HNRNPA0: variants seen among roughly 807,000 people sequenced by gnomAD.
HNRNPA0 encodes the protein hnRNA binding protein.
For synonymous variants in HNRNPA0, 243 were observed against 195.5 expected (o/e 1.24, Z -2.03); for missense variants, 252 against 433.7 (o/e 0.58, Z 3.72).
chr5:137,745,943 T>C lies in HNRNPA0; in HGVS notation c.*7206A>G, dbSNP rs959447812. 6.6e-6 allele frequency: 1 copy of C among 152,218 alleles called. No individual in the cohort carries two copies. The highest frequency in any genetic ancestry group is 1.5e-5 in the Non-Finnish European group (1 of 68,040). The allele number at this position is 152,218 out of a possible 1,614,324, so 9.4% of individuals were successfully genotyped here. On this transcript the variant is annotated 3_prime_UTR_variant, in exon 1 of 1. Transcript: ENST00000314940. ...AAGCAGGTGTTTAGCATAAATCATC[T>C]TGTTTGAACAGTCTAGGTACAGTGA... is the stretch of plus-strand genomic sequence containing the variant.
chr5:137,747,207 G>A lies in HNRNPA0; in HGVS notation c.*5942C>T, dbSNP rs924661359. The A allele has an allele frequency of 6.6e-6, 1 of 152,174 alleles. No individual in the cohort carries two copies. The highest frequency in any genetic ancestry group is 2.4e-5 in the African/African-American group (1 of 41,452). 9.4% of individuals were successfully genotyped at this position (152,174 alleles called of 1,614,324 possible). On this transcript the variant is annotated 3_prime_UTR_variant, in exon 1 of 1. Transcript: ENST00000314940. Reference sequence around the variant, plus strand: ...GCTAAGTATATGAGAAAGAGAAGGAGCAAATATTTCAGCCTCACTTTTCTA... The same window carrying A: ...GCTAAGTATATGAGAAAGAGAAGGAACAAATATTTCAGCCTCACTTTTCTA...
Position 137,745,852 on chromosome 5 carries a change from T to C in HNRNPA0, c.*7297A>G, listed in dbSNP as rs550237698. ...AGGGACTCAGTATGCAAGGTTTTCA[T>C]TGGGAGTTTGGTCATATAGACATCC... On this transcript the variant is annotated 3_prime_UTR_variant, in exon 1 of 1. Coordinates refer to ENST00000314940, the MANE Select transcript of HNRNPA0 (RefSeq NM_006805.4). The C allele has an allele frequency of 5.3e-5, 8 of 152,334 alleles. No individual in the cohort carries two copies. Among genetic ancestry groups the C allele is most frequent in the East Asian group, 3.9e-4 (2 of 5,190 alleles). 9.4% of individuals were successfully genotyped at this position (152,334 alleles called of 1,614,324 possible).
chr5:137,753,376 A>AGCCGCC lies in HNRNPA0; in HGVS notation c.685_690dup (p.Gly229_Gly230dup). 10 of 1,544,766 alleles carry AGCCGCC rather than the reference A, an allele frequency of 6.5e-6. No homozygotes were observed. Among genetic ancestry groups the AGCCGCC allele is most frequent in the East Asian group, 2.5e-5 (1 of 40,782 alleles). On this transcript the variant is annotated inframe_insertion, in exon 1 of 1. Coordinates refer to ENST00000314940, the MANE Select transcript of HNRNPA0 (RefSeq NM_006805.4). The surrounding 1 kb of genome is among the most constrained non-coding windows in gnomAD (Gnocchi z 6.1). ...CCGCCGCCGCCTCCGTAGGCATTGTAGCCGCCGCCTCCGCCGCCGCCGTAA... is the reference window on the plus strand; with the variant it reads ...CCGCCGCCGCCTCCGTAGGCATTGTAGCCGCCGCCGCCGCCTCCGCCGCCGCCGTAA...
At position 137,749,896 on chromosome 5, in the gene HNRNPA0, T is replaced by C. The variant is rs1348359183; in HGVS notation, c.*3253A>G. 1 of 152,200 alleles carries C rather than the reference T, an allele frequency of 6.6e-6. No individual in the cohort carries two copies. Among genetic ancestry groups the C allele is most frequent in the Non-Finnish European group, 1.5e-5 (1 of 68,008 alleles). The allele number at this position is 152,200 out of a possible 1,614,324, so 9.4% of individuals were successfully genotyped here. On this transcript the variant is annotated 3_prime_UTR_variant, in exon 1 of 1. Coordinates refer to ENST00000314940, the MANE Select transcript of HNRNPA0 (RefSeq NM_006805.4). ...TTGAAGGAAATCATAAATGCAAATT[T>C]CTCAAGTATCCTCAATCTTTTAGGT...
Position 137,750,083 on chromosome 5 carries a change from A to T in HNRNPA0, c.*3066T>A, listed in dbSNP as rs1008634528. On this transcript the variant is annotated 3_prime_UTR_variant, in exon 1 of 1. Coordinates refer to ENST00000314940, the MANE Select transcript of HNRNPA0 (RefSeq NM_006805.4). ...TTTTTTTTGGATACAGTAAATCAGT[A>T]CCAATGAGAGCTTTTTAAATGACCT... 5.3e-5 allele frequency: 8 copies of T among 152,182 alleles called. No individual in the cohort carries two copies. Among genetic ancestry groups the T allele is most frequent in the African/African-American group, 1.7e-4 (7 of 41,436 alleles). The allele number at this position is 152,182 out of a possible 1,614,324, so 9.4% of individuals were successfully genotyped here.
Position 137,754,010 on chromosome 5 carries a change from A to G in HNRNPA0, c.57T>C (p.Ser19=). ...LFIGGLNVQT[S]ESGLRGHFEA... ...CAAAGTGGCCGCGCAGGCCCGACTC[A>G]CTCGTCTGCACATTGAGGCCGCCGA... The change falls in exon 1 of 1, where the codon AGT becomes AGC. Residue 19 remains serine, a synonymous_variant. Transcript: ENST00000314940. The G allele has an allele frequency of 1.2e-6, 2 of 1,613,770 alleles. No individual in the cohort carries two copies. Among genetic ancestry groups the G allele is most frequent in the Non-Finnish European group, 1.7e-6 (2 of 1,179,956 alleles).
Position 137,751,179 on chromosome 5 carries a change from C to T in HNRNPA0, c.*1970G>A, listed in dbSNP as rs145705408. 8 of 152,044 alleles carry T rather than the reference C, an allele frequency of 5.3e-5. No individual in the cohort carries two copies. The East Asian group carries it at 5.8e-4, about 11-fold the overall frequency. 9.4% of individuals were successfully genotyped at this position (152,044 alleles called of 1,614,324 possible). A position where few individuals can be genotyped will look rare whatever the true frequency, so the allele number is the denominator to read the frequency against. On this transcript the variant is annotated 3_prime_UTR_variant, in exon 1 of 1. Coordinates refer to ENST00000314940, the MANE Select transcript of HNRNPA0 (RefSeq NM_006805.4). ...CCTCAATGTGTAAAAACATCCACCC[C>T]GTTTGTCATAGAGGATATAACACTA... is the stretch of plus-strand genomic sequence containing the variant.
rs1753561310 is a variant in HNRNPA0, at chr5:137,754,221, G to GGGAA, written c.-159_-156dup. ...CGGGGAAGGGAAAAAGGGAAGGGGA[G>GGGAA]GGAAGGAAGGAAGAGAGGAAGGGGG... On this transcript the variant is annotated 5_prime_UTR_variant, in exon 1 of 1. Coordinates refer to ENST00000314940, the MANE Select transcript of HNRNPA0 (RefSeq NM_006805.4). 5.9e-6 allele frequency: 6 copies of GGGAA among 1,025,384 alleles called. No individual in the cohort carries two copies. The East Asian group carries it at 1.1e-4, about 18-fold the overall frequency. 63.5% of individuals were successfully genotyped at this position (1,025,384 alleles called of 1,614,324 possible). A position where few individuals can be genotyped will look rare whatever the true frequency, so the allele number is the denominator to read the frequency against.
In HNRNPA0 at chr5:137,753,022, G is replaced by A. The variant is rs1462053094; in HGVS notation, c.*127C>T. ...CCCCCAAGGGTAAGCAGCCTTAGAA[G>A]TGGCTCCCCCAAGGGCAAAACAGGG... On this transcript the variant is annotated 3_prime_UTR_variant, in exon 1 of 1. Transcript: ENST00000314940. The surrounding 1 kb of genome is among the most constrained non-coding windows in gnomAD (Gnocchi z 6.1). 2.0e-6 allele frequency: 2 copies of A among 986,494 alleles called. No homozygotes were observed. The highest frequency in any genetic ancestry group is 1.6e-5 in the African/African-American group (1 of 61,482). 61.1% of individuals were successfully genotyped at this position (986,494 alleles called of 1,614,324 possible). A position where few individuals can be genotyped will look rare whatever the true frequency, so the allele number is the denominator to read the frequency against.
rs1196251792 is a variant in HNRNPA0, at chr5:137,750,303, T to G, written c.*2846A>C. 2 of 152,158 alleles carry G rather than the reference T, an allele frequency of 1.3e-5. No homozygotes were observed. The highest frequency in any genetic ancestry group is 6.5e-5 in the Admixed American group (1 of 15,282). 9.4% of individuals were successfully genotyped at this position (152,158 alleles called of 1,614,324 possible). ...GAAAAAAATCTAAAACTCAAAACAC[T>G]TCTGGGCCCAAGAATTTCAGATAAG... is the stretch of plus-strand genomic sequence containing the variant. On this transcript the variant is annotated 3_prime_UTR_variant, in exon 1 of 1. Coordinates refer to ENST00000314940, the MANE Select transcript of HNRNPA0 (RefSeq NM_006805.4).
chr5:137,754,260 G>A lies in HNRNPA0; in HGVS notation c.-194C>T, dbSNP rs928853722. ...AGAGGAAGGGGGAGGGAAGGGGAGCGGTGCCGGCTAAAGGGCGAGCCGAGG... is the reference window on the plus strand; with the variant it reads ...AGAGGAAGGGGGAGGGAAGGGGAGCAGTGCCGGCTAAAGGGCGAGCCGAGG... On this transcript the variant is annotated 5_prime_UTR_variant, in exon 1 of 1. Transcript: ENST00000314940. 7 of 774,844 alleles carry A rather than the reference G, an allele frequency of 9.0e-6. No homozygotes were observed. Among genetic ancestry groups the A allele is most frequent in the South Asian group, 4.1e-5 (2 of 48,646 alleles). The allele number at this position is 774,844 out of a possible 1,614,324, so 48.0% of individuals were successfully genotyped here. A position where few individuals can be genotyped will look rare whatever the true frequency, so the allele number is the denominator to read the frequency against.
rs1045451771 is a variant in HNRNPA0 at position 137,748,260 on chromosome 5, C to T, written c.*4889G>A. 6.6e-6 allele frequency: 1 copy of T among 152,146 alleles called. No homozygotes were observed. The highest frequency in any genetic ancestry group is 1.5e-5 in the Non-Finnish European group (1 of 68,018). 9.4% of individuals were successfully genotyped at this position (152,146 alleles called of 1,614,324 possible). A position where few individuals can be genotyped will look rare whatever the true frequency, so the allele number is the denominator to read the frequency against. ...ATGCCTCTCTTGATCCTTCTTCCTA[C>T]CTGAAGTCACCTCTCCTCAACACTC... On this transcript the variant is annotated 3_prime_UTR_variant, in exon 1 of 1. Transcript: ENST00000314940.
rs952851084 is a variant in HNRNPA0, at chr5:137,752,051, A to G, written c.*1098T>C. 6.6e-6 allele frequency: 1 copy of G among 152,488 alleles called. No homozygotes were observed. Among genetic ancestry groups the G allele is most frequent in the East Asian group, 1.9e-4 (1 of 5,186 alleles). The allele number at this position is 152,488 out of a possible 1,614,324, so 9.4% of individuals were successfully genotyped here. ...TTCGCAGCTACTCTGCCATTCTGCCAGTAGATGGTGCTACAAAGATCGGGA... is the reference window on the plus strand; with the variant it reads ...TTCGCAGCTACTCTGCCATTCTGCCGGTAGATGGTGCTACAAAGATCGGGA... On this transcript the variant is annotated 3_prime_UTR_variant, in exon 1 of 1. Transcript: ENST00000314940.
In HNRNPA0 at chr5:137,749,712, A is replaced by C. The variant is rs1420477695; in HGVS notation, c.*3437T>G. 1 of 152,154 alleles carries C rather than the reference A, an allele frequency of 6.6e-6. No individual in the cohort carries two copies. Among genetic ancestry groups the C allele is most frequent in the East Asian group, 1.9e-4 (1 of 5,196 alleles). The allele number at this position is 152,154 out of a possible 1,614,324, so 9.4% of individuals were successfully genotyped here. On this transcript the variant is annotated 3_prime_UTR_variant, in exon 1 of 1. Transcript: ENST00000314940. ...TTTGGGTAAAATCCGTGTAGTCTAG[A>C]TGCAGTTCTGCTCCAAATCCAACAT...
chr5:137,753,240 C>A lies in HNRNPA0; in HGVS notation c.827G>T (p.Gly276Val). The change falls in exon 1 of 1, where the codon GGT becomes GTT. Residue 276 changes from glycine to valine, a missense_variant. Coordinates refer to ENST00000314940, the MANE Select transcript of HNRNPA0 (RefSeq NM_006805.4). The surrounding 1 kb of genome is among the most constrained non-coding windows in gnomAD (Gnocchi z 6.1). ...GCGACCGCCCCAGCTACTGCCTCCA[C>A]CGCCGCCGCCGCCGCCGCTCTTCAT... ...GPMKSGGGGG[G>V]GGSSWGGRSN... 6.3e-7 allele frequency: 1 copy of A among 1,583,308 alleles called. No homozygotes were observed. The highest frequency in any genetic ancestry group is 1.1e-5 in the South Asian group (1 of 88,836).
At position 137,753,136 on chromosome 5, in the gene HNRNPA0, T is replaced by C; in HGVS notation, c.*13A>G. The C allele has an allele frequency of 6.2e-7, 1 of 1,608,752 alleles. No individual in the cohort carries two copies. Among genetic ancestry groups the C allele is most frequent in the Non-Finnish European group, 8.5e-7 (1 of 1,177,180 alleles). ...TACCCCTATAGCCACTCCCAGGCATTTTAAATTTTCTTTTAGAAGGAGCTG... is the reference window on the plus strand; with the variant it reads ...TACCCCTATAGCCACTCCCAGGCATCTTAAATTTTCTTTTAGAAGGAGCTG... On this transcript the variant is annotated 3_prime_UTR_variant, in exon 1 of 1. Transcript: ENST00000314940. This position sits in a 1 kb window ranked among gnomAD's most constrained non-coding sequence, Gnocchi z 6.1.
In HNRNPA0 at chr5:137,753,095, G is replaced by A. The variant is rs1753534865; in HGVS notation, c.*54C>T. The A allele has an allele frequency of 1.3e-6, 2 of 1,543,178 alleles. No homozygotes were observed. Among genetic ancestry groups the A allele is most frequent in the Non-Finnish European group, 1.8e-6 (2 of 1,137,200 alleles). ...GGGGCTTAGGAGTTGACCCCACTTGGGCTGTTGGAAAGAGCTACCCCTATA... is the reference window on the plus strand; with the variant it reads ...GGGGCTTAGGAGTTGACCCCACTTGAGCTGTTGGAAAGAGCTACCCCTATA... On this transcript the variant is annotated 3_prime_UTR_variant, in exon 1 of 1. Transcript: ENST00000314940. This position sits in a 1 kb window ranked among gnomAD's most constrained non-coding sequence, Gnocchi z 6.1.
Position 137,746,854 on chromosome 5 carries a change from G to C in HNRNPA0, c.*6295C>G, listed in dbSNP as rs759670976. 1 of 152,146 alleles carries C rather than the reference G, an allele frequency of 6.6e-6. No homozygotes were observed. Among genetic ancestry groups the C allele is most frequent in the Non-Finnish European group, 1.5e-5 (1 of 68,026 alleles). The allele number at this position is 152,146 out of a possible 1,614,324, so 9.4% of individuals were successfully genotyped here. ...TTAACTTGACATACTAAGAAACAGG[G>C]AGGCACTGAATTTAGGGATAGTAAC... On this transcript the variant is annotated 3_prime_UTR_variant, in exon 1 of 1. Coordinates refer to ENST00000314940, the MANE Select transcript of HNRNPA0 (RefSeq NM_006805.4).
chr5:137,753,247 C>T lies in HNRNPA0; in HGVS notation c.820G>A (p.Gly274Ser), dbSNP rs1753539456. ...SYGPMKSGGG[G>S]GGGGSSWGGR... is the part of the protein sequence containing the mutation. The stretch of plus-strand genomic sequence containing the variant: ...CCCCAGCTACTGCCTCCACCGCCGC[C>T]GCCGCCGCCGCTCTTCATGGGCCCA... Residue 274 changes from glycine to serine, a missense_variant, in exon 1 of 1, where the codon GGC (glycine) becomes AGC (serine). By Grantham distance (56) the Gly-to-Ser change is moderately conservative. Transcript: ENST00000314940. The surrounding 1 kb of genome is among the most constrained non-coding windows in gnomAD (Gnocchi z 6.1). 1.2e-6 allele frequency: 2 copies of T among 1,608,580 alleles called. No individual in the cohort carries two copies. The highest frequency in any genetic ancestry group is 8.5e-7 in the Non-Finnish European group (1 of 1,177,530).
Sources: allele counts gnomAD v4.1 joint callset, GRCh38; gene constraint gnomAD v4.1.1; non-coding constraint Gnocchi (gnomAD v3.1); transcripts MANE v1.5; gene names NCBI Gene and HGNC (gene_info 2026-07-23, HGNC 2026-07-21).